The following HERC1 variants were observed in gnomAD, a reference collection of about 807,000 sequenced individuals.
HERC1 encodes HECT and RLD domain containing E3 ubiquitin protein ligase family member 1.
In HERC1, 160 loss-of-function variants were observed where a neutral mutation model predicts 554.3. That is an observed-to-expected ratio of 0.29 (90% CI 0.25 to 0.33). HERC1 has a LOEUF of 0.33. Among genes scored for constraint, HERC1 ranks in the 10% least tolerant of loss-of-function variants. The pLI is 1.00. For missense variants in HERC1, 4,919 were observed against 5,918.5 expected, an observed-to-expected ratio of 0.83 and a Z score of 5.54; for synonymous variants, 2,175 against 2,131.7, an observed-to-expected ratio of 1.02 and a Z score of -0.56.
intron 40 of HERC1, among the ~76,000 whole-genome samples, chr15:63,669,280 C>T (rs1456132325): frequency 6.6e-6 from 1 of 152,134 alleles, no homozygotes; most frequent in Non-Finnish European, 1.5e-5. Context: ...GGGAAACTTA[C>T]AACACTAAAA....
chr15:63,630,807 A>T (rs76283802), intron 68 of HERC1, 172 bp from the exon 69 acceptor site: 2 of 532,472 alleles, frequency 3.8e-6, no homozygotes, highest in Non-Finnish European at 6.2e-6. Context: ...CTGAATAAAT[A>T]AAAAGTGTGA....
chr15:63,686,773 T>A (rs2071786404), intron 33 of HERC1, among the ~76,000 whole-genome samples: 1 of 152,166 alleles, frequency 6.6e-6, no homozygotes, highest in Non-Finnish European at 1.5e-5. Context: ...AGTGGGAGAA[T>A]AATCAAAATT....
At chr15:63,617,448 G>A (rs528933108) in intron 74 of HERC1, among the ~76,000 whole-genome samples, 147 of 152,252 alleles carry the variant, frequency 9.7e-4, no homozygotes, top group Admixed American at 3.1e-3. Flanking sequence ...TTCCTATTAT[G>A]AATAGTGCCG....
intron 1 of HERC1, among the ~76,000 whole-genome samples, chr15:63,815,649 A>G (rs747394270): frequency 1.3e-5 from 2 of 152,198 alleles, no homozygotes; most frequent in Non-Finnish European, 2.9e-5. Flanking sequence ...AAGTTTCTCC[A>G]TATCACTGTA....
In HERC1 at chr15:63,718,269, T is replaced by A. The variant is rs1245083429; in HGVS notation, c.3978+305A>T. Among the ~76,000 whole-genome samples the A allele has an allele frequency of 6.6e-6, 1 of 152,204 alleles. No individual in the cohort carries two copies. The highest frequency in any genetic ancestry group is 1.5e-5 in the Non-Finnish European group (1 of 68,036). On this transcript the variant is annotated intron_variant, in intron 21 of 77. Transcript: ENST00000443617. The surrounding 1 kb of genome is among the most constrained non-coding windows in gnomAD (Gnocchi z 4.2). ...TGGCACCCCAAATTAAACAGGATAA[T>A]TCAAATGTGGCCCAATCAGCACAAA...
At chr15:63,809,086 T>C (rs907844125) in intron 1 of HERC1, among the ~76,000 whole-genome samples, 1 of 152,210 alleles carries the variant, frequency 6.6e-6, no homozygotes, top group Non-Finnish European at 1.5e-5. Context: ...CATATGAGTA[T>C]GATTTTAAGG....
At chr15:63,644,132 C>A (rs2069205254) in intron 57 of HERC1, among the ~76,000 whole-genome samples, 1 of 152,208 alleles carries the variant, frequency 6.6e-6, no homozygotes, top group Non-Finnish European at 1.5e-5. Flanking sequence ...GTTGGCTACT[C>A]CTTCCCTCCC....
At chr15:63,642,030 C>T (rs2069089323) in intron 59 of HERC1, among the ~76,000 whole-genome samples, 1 of 152,146 alleles carries the variant, frequency 6.6e-6, no homozygotes, top group Admixed American at 6.5e-5. Context: ...GTGGTTTATT[C>T]TACACAGGCC....
intron 74 of HERC1, among the ~76,000 whole-genome samples, chr15:63,617,458 G>T (rs543324693): frequency 6.6e-6 from 1 of 152,100 alleles, no homozygotes; most frequent in Admixed American, 6.6e-5. Flanking sequence ...GAATAGTGCC[G>T]CAATAAACAT....
intron 47 of HERC1, 40 bp from the exon 48 acceptor site, chr15:63,658,758 A>C (rs770025795): frequency 6.7e-7 from 1 of 1,501,108 alleles, no homozygotes; most frequent in Non-Finnish European, 9.1e-7. Context: ...ACAAGGTAAG[A>C]AAAAAATACA....
At chr15:63,811,641 C>A (rs966735670) in intron 1 of HERC1, among the ~76,000 whole-genome samples, 1 of 151,804 alleles carries the variant, frequency 6.6e-6, no homozygotes, top group Non-Finnish European at 1.5e-5. Context: ...AACCCCGTCT[C>A]TCCTAAAATT....
chr15:63,649,025 C>T (rs2069508178), intron 54 of HERC1, among the ~76,000 whole-genome samples: 1 of 152,208 alleles, frequency 6.6e-6, no homozygotes, highest in African/African-American at 2.4e-5. Context: ...GCTTCCCCTT[C>T]CTCCATTACT....
At chr15:63,619,628 G>C (rs1053403964) in intron 74 of HERC1, among the ~76,000 whole-genome samples, 2 of 152,258 alleles carry the variant, frequency 1.3e-5, no homozygotes, top group Non-Finnish European at 2.9e-5. Flanking sequence ...TCTGGTCCTG[G>C]ACTTTTTTTG....
chr15:63,642,328 ATTGT>A (rs1424048349), intron 59 of HERC1, among the ~76,000 whole-genome samples: 2 of 152,040 alleles, frequency 1.3e-5, no homozygotes, highest in African/African-American at 2.4e-5. Context: ...TCAAGGAAAA[ATTGT>A]TTGAGAGAGT....
intron 69 of HERC1, among the ~76,000 whole-genome samples, chr15:63,630,087 G>C (rs1209846445): frequency 1.3e-5 from 2 of 152,072 alleles, no homozygotes; most frequent in Non-Finnish European, 2.9e-5. Context: ...CATATCAACT[G>C]ATGTTCCCAG....
At chr15:63,744,308 G>A (rs937598960) in intron 12 of HERC1, among the ~76,000 whole-genome samples, 1 of 152,096 alleles carries the variant, frequency 6.6e-6, no homozygotes, top group South Asian at 2.1e-4. Context: ...CACCAGCACA[G>A]CACTGGGTCT....
intron 1 of HERC1, among the ~76,000 whole-genome samples, chr15:63,833,096 C>A (rs1202917133): frequency 6.6e-6 from 1 of 152,178 alleles, no homozygotes; most frequent in Non-Finnish European, 1.5e-5. Flanking sequence ...CAGTAACCTG[C>A]CACCCATCAC....
chr15:63,815,299 T>C (rs2077457428), intron 1 of HERC1, among the ~76,000 whole-genome samples: 1 of 152,242 alleles, frequency 6.6e-6, no homozygotes, highest in African/African-American at 2.4e-5. Context: ...GTAGTGACTA[T>C]ACTATGCACA....
At position 63,747,799 on chromosome 15, in the gene HERC1, T is replaced by C. The variant is rs1567082879; in HGVS notation, c.2279A>G (p.His760Arg). The C allele has an allele frequency of 7.1e-6, 11 of 1,546,162 alleles. No individual in the cohort carries two copies. The highest frequency in any genetic ancestry group is 2.4e-5 in the South Asian group (2 of 83,876). Residue 760 changes from histidine to arginine, a missense_variant, in exon 11 of 78, where the codon CAC becomes CGC. Coordinates refer to ENST00000443617, the MANE Select transcript of HERC1 (RefSeq NM_003922.4). ...GTATCTCTCAAGAAAAGAACGCAGG[T>C]GTGAGAAGGTACTCTCTTCAAGATC... ...CVDLEESTFS[H>R]LRSFLERYCD...
Sources: gnomAD v4.1 joint callset for allele counts (sites outside exome capture counted in the v4.1 genomes callset) on GRCh38, gnomAD v4.1.1 for gene constraint, Gnocchi (gnomAD v3.1) non-coding constraint, MANE v1.5 for transcripts, NCBI Gene and HGNC (gene_info 2026-07-23, HGNC 2026-07-21) for gene names.